Variants in DLC1 observed in about 807,000 individuals in gnomAD.
DLC1 encodes the protein DLC1 Rho GTPase activating protein, also known as rho GTPase-activating protein 7.
In DLC1, 54 loss-of-function variants were observed where a neutral mutation model predicts 140.3. The ratio of observed to expected loss-of-function variants is 0.38; its 90% CI spans 0.31 to 0.48. DLC1 has a LOEUF of 0.48. Among genes scored for constraint, DLC1 ranks in the 20% least tolerant of loss-of-function variants. The pLI is 0.96. For synonymous variants in DLC1, 986 were observed against 728.1 expected (o/e 1.35, Z -5.70); for missense variants, 2,536 against 1,907.0 (o/e 1.33, Z -6.14).
intron 5 of DLC1, among the ~76,000 whole-genome samples, chr8:13,222,046 A>G (rs968907749): frequency 9.3e-5 from 14 of 150,170 alleles, no homozygotes; most frequent in African/African-American, 2.9e-4. Context: ...TGTTCTAAGA[A>G]CAAAGGTTGA....
At chr8:13,154,458 C>T (rs1269321031) in intron 5 of DLC1, among the ~76,000 whole-genome samples, 1 of 152,228 alleles carries the variant, frequency 6.6e-6, no homozygotes, top group Non-Finnish European at 1.5e-5. Flanking sequence ...CCCCTTACTG[C>T]CCAGGGCCGG....
At chr8:13,520,230 C>A (rs1802721237) in intron 1 of DLC1, among the ~76,000 whole-genome samples, 1 of 152,188 alleles carries the variant, frequency 6.6e-6, no homozygotes. Context: ...ACCCAAATGT[C>A]CATCAGTGAT....
intron 13 of DLC1, 118 bp from the exon 14 acceptor site, chr8:13,091,550 T>C (rs567489803): frequency 6.3e-6 from 5 of 797,262 alleles, no homozygotes; most frequent in East Asian, 5.4e-5. Context: ...AATCTGTTTA[T>C]TGTTAAGTGG....
intron 1 of DLC1, among the ~76,000 whole-genome samples, chr8:13,571,398 C>G (rs995647178): frequency 6.6e-6 from 1 of 152,152 alleles, no homozygotes; most frequent in Non-Finnish European, 1.5e-5. Context: ...CTGGTCACCT[C>G]GAATGTACTT....
intron 2 of DLC1, among the ~76,000 whole-genome samples, chr8:13,466,527 T>C (rs1283469480): frequency 6.6e-6 from 1 of 152,110 alleles, no homozygotes; most frequent in African/African-American, 2.4e-5. Flanking sequence ...ACATTTCCTG[T>C]GGGAGAGATA....
rs550697570 is a variant in DLC1, at chr8:13,156,707, A to G, written c.1349-41050T>C. Among the ~76,000 whole-genome samples the G allele has an allele frequency of 3.0e-4, 46 of 152,322 alleles. No individual in the cohort carries two copies. In the South Asian group the frequency reaches 6.4e-3, roughly 21 times the overall value. On this transcript the variant is annotated intron_variant, in intron 5 of 17. Coordinates refer to ENST00000276297, the MANE Select transcript of DLC1 (RefSeq NM_182643.3). Reference sequence around the variant, plus strand: ...GTGTCCCTGTATCTGATGTGGCTAAAGAGAATGTTCGCAACTCAAAAAGTC... The same window carrying G: ...GTGTCCCTGTATCTGATGTGGCTAAGGAGAATGTTCGCAACTCAAAAAGTC...
At chr8:13,439,248 C>T (rs1478573963) in intron 2 of DLC1, among the ~76,000 whole-genome samples, 7 of 152,028 alleles carry the variant, frequency 4.6e-5, no homozygotes, top group African/African-American at 1.2e-4. Context: ...CGCTTGAACC[C>T]GGGAGGCAGA....
intron 1 of DLC1, among the ~76,000 whole-genome samples, chr8:13,538,367 A>T (rs1421037515): frequency 1.4e-5 from 2 of 147,242 alleles, no homozygotes; most frequent in East Asian, 3.9e-4. Context: ...AGCACTGAGT[A>T]TAAAAAAAAA....
intron 4 of DLC1, among the ~76,000 whole-genome samples, chr8:13,351,953 C>A (rs970214062): frequency 6.6e-6 from 1 of 152,214 alleles, no homozygotes; most frequent in Non-Finnish European, 1.5e-5. Context: ...AGGCTGGTCT[C>A]GAACTGCTGA....
chr8:13,536,910 T>C (rs1302731572), intron 1 of DLC1, among the ~76,000 whole-genome samples: 1 of 152,228 alleles, frequency 6.6e-6, no homozygotes, highest in Non-Finnish European at 1.5e-5. Context: ...CCAAAATTAC[T>C]ATATTTTTGG....
intron 4 of DLC1, among the ~76,000 whole-genome samples, chr8:13,311,503 C>G (rs1032803674): frequency 1.3e-5 from 2 of 152,186 alleles, no homozygotes; most frequent in African/African-American, 4.8e-5. Context: ...TTAATAAATG[C>G]ACACACAATT....
intron 4 of DLC1, among the ~76,000 whole-genome samples, chr8:13,382,830 G>T (rs1488130045): frequency 6.6e-6 from 1 of 152,114 alleles, no homozygotes; most frequent in African/African-American, 2.4e-5. Flanking sequence ...AAAAAGTAGG[G>T]CTTAAAAGGA....
At chr8:13,307,081 C>CAAAA (rs34372620) in intron 4 of DLC1, among the ~76,000 whole-genome samples, 5 of 70,142 alleles carry the variant, frequency 7.1e-5, no homozygotes, top group Non-Finnish European at 9.7e-5. Context: ...GAGACTCTGT[C>CAAAA]AAAAAAAAAA....
chr8:13,240,158 C>T (rs1436130357), intron 5 of DLC1, among the ~76,000 whole-genome samples: 2 of 152,078 alleles, frequency 1.3e-5, no homozygotes, highest in South Asian at 2.1e-4. Context: ...GTAGATGTCT[C>T]TGGAGACCTG....
At chr8:13,252,303 G>C (rs894604718) in intron 5 of DLC1, among the ~76,000 whole-genome samples, 25 of 152,126 alleles carry the variant, frequency 1.6e-4, no homozygotes, top group African/African-American at 5.6e-4. Flanking sequence ...AAAGAGAGGA[G>C]TATGTAAAAT....
chr8:13,429,394 T>A (rs1011615441), intron 2 of DLC1, among the ~76,000 whole-genome samples: 1 of 152,136 alleles, frequency 6.6e-6, no homozygotes, highest in Admixed American at 6.6e-5. Context: ...ACTATCCCCA[T>A]ACGGTCTGAT....
At chr8:13,515,504 A>T (rs1420818305), upstream of DLC1, 1 of 152,202 alleles carries the variant, frequency 6.6e-6, no homozygotes, top group Non-Finnish European at 1.5e-5. Context: ...GCTGGAGCAG[A>T]AGACAGGCTC....
intron 4 of DLC1, among the ~76,000 whole-genome samples, chr8:13,392,848 G>A (rs1266848373): frequency 1.3e-5 from 2 of 151,874 alleles, no homozygotes; most frequent in East Asian, 1.9e-4. Flanking sequence ...TAATAGCATT[G>A]TAAAGTCTAC....
intron 5 of DLC1, among the ~76,000 whole-genome samples, chr8:13,209,751 C>T (rs1827848140): frequency 6.6e-6 from 1 of 152,160 alleles, no homozygotes; most frequent in African/African-American, 2.4e-5. Context: ...CTTGCTGCTA[C>T]TTCCACCATG....
Sources: gnomAD v4.1 joint callset for allele counts (sites outside exome capture counted in the v4.1 genomes callset) on GRCh38, gnomAD v4.1.1 for gene constraint, MANE v1.5 for transcripts, NCBI Gene and HGNC (gene_info 2026-07-23, HGNC 2026-07-21) for gene names.